The following HEPHL1 variants were observed in gnomAD, a reference collection of about 807,000 sequenced individuals.
HEPHL1 encodes the protein hephaestin like 1, also known as ferroxidase HEPHL1.
In HEPHL1, 123 loss-of-function variants were observed where a neutral mutation model predicts 122.0. The ratio of observed to expected loss-of-function variants is 1.01; its 90% CI spans 0.87 to 1.17. The LOEUF is 1.17. Among genes scored for constraint, HEPHL1 ranks in the 50% most tolerant of loss-of-function variants. The pLI is 0.00. For missense variants in HEPHL1, 1,452 were observed against 1,430.5 expected (o/e 1.01, Z -0.24); for synonymous variants, 527 against 508.9 (o/e 1.04, Z -0.48).
intron 12 of HEPHL1, among the ~76,000 whole-genome samples, chr11:94,091,019 G>T (rs1946260487): frequency 6.6e-6 from 1 of 152,134 alleles, no homozygotes; most frequent in Non-Finnish European, 1.5e-5. Flanking sequence ...AAGTTGCTAT[G>T]AAAAAATAAA....
chr11:94,108,352 C>T (rs961366110), intron 17 of HEPHL1, among the ~76,000 whole-genome samples: 2 of 151,986 alleles, frequency 1.3e-5, no homozygotes, highest in Non-Finnish European at 2.9e-5. Flanking sequence ...CAGTTTGTGG[C>T]TTATCTTTTC....
chr11:94,046,091 C>CTTTTTTTGTTTTTTTTTTTT (rs1945834385), intron 2 of HEPHL1, among the ~76,000 whole-genome samples, 174 bp downstream of exon 2: 1 of 65,048 alleles, frequency 1.5e-5, no homozygotes, highest in Non-Finnish European at 2.6e-5. Context: ...CCCTTTCTTG[C>CTTTTTTTGTTTTTTTTTTTT]TTTTTTTTTT....
At position 94,021,430 on chromosome 11, in the gene HEPHL1, T is replaced by A; in HGVS notation, c.62T>A (p.Leu21Gln). The part of the protein sequence containing the change: ...FLLTFLGLSG[L>Q]VGTVTRTYYI... Reference sequence around the variant, plus strand: ...CTCACATTCCTGGGTCTGTCTGGGCTGGTTGGCACAGTTACCAGAACGTAC... The same window carrying A: ...CTCACATTCCTGGGTCTGTCTGGGCAGGTTGGCACAGTTACCAGAACGTAC... The change falls in exon 1 of 20, where the codon CTG (leucine) becomes CAG (glutamine). Residue 21 changes from leucine (L) to glutamine (Q), a missense_variant. Coordinates refer to ENST00000315765, the MANE Select transcript of HEPHL1 (RefSeq NM_001098672.2). The A allele has an allele frequency of 4.3e-6, 7 of 1,613,636 alleles. No individual in the cohort carries two copies. Among genetic ancestry groups the A allele is most frequent in the Non-Finnish European group, 5.1e-6 (6 of 1,179,604 alleles).
At position 94,112,028 on chromosome 11, in the gene HEPHL1, C is replaced by T; in HGVS notation, c.*134C>T. The T allele has an allele frequency of 9.3e-6, 5 of 539,660 alleles. No individual in the cohort carries two copies. 33.4% of individuals were successfully genotyped at this position (539,660 alleles called of 1,614,324 possible). A position where few individuals can be genotyped will look rare whatever the true frequency, so the allele number is the denominator to read the frequency against. Reference sequence around the variant, plus strand: ...TATCCTGGATCAGCCTTCTGATCCTCTCAAACATCATCCAAAGCAATTTGC... The same window carrying T: ...TATCCTGGATCAGCCTTCTGATCCTTTCAAACATCATCCAAAGCAATTTGC... On this transcript the variant is annotated 3_prime_UTR_variant, in exon 20 of 20. Transcript: ENST00000315765.
At chr11:94,072,040 T>C (rs1211567987) in intron 6 of HEPHL1, among the ~76,000 whole-genome samples, 1 of 152,082 alleles carries the variant, frequency 6.6e-6, no homozygotes, top group Non-Finnish European at 1.5e-5. Flanking sequence ...TTGGAAGCAA[T>C]TGAAGATTTT....
At chr11:94,079,447 C>T (rs1234895592) in intron 9 of HEPHL1, among the ~76,000 whole-genome samples, 3 of 152,138 alleles carry the variant, frequency 2.0e-5, no homozygotes, top group African/African-American at 7.2e-5. Context: ...ATACCACTGC[C>T]TTCTAAAGCA....
chr11:94,073,332 G>A lies in HEPHL1; in HGVS notation c.1397G>A (p.Gly466Asp). Residue 466 changes from glycine (G) to aspartate (D), a missense_variant, in exon 8 of 20, where the codon GGT becomes GAT. By Grantham distance (94) the Gly-to-Asp change is moderately conservative. Transcript: ENST00000315765. ...GGCCCAGTCATCAAGGCAGAGGTGGGTGATACCCTGTTAGTGACCTTTGCC... is the reference window on the plus strand; with the variant it reads ...GGCCCAGTCATCAAGGCAGAGGTGGATGATACCCTGTTAGTGACCTTTGCC... ...ILGPVIKAEV[G>D]DTLLVTFANK... is the part of the protein sequence containing the mutation. The A allele has an allele frequency of 6.2e-7, 1 of 1,608,380 alleles. No individual in the cohort carries two copies. Among genetic ancestry groups the A allele is most frequent in the South Asian group, 1.1e-5 (1 of 89,850 alleles).
chr11:94,047,018 C>G (rs1449612603), intron 2 of HEPHL1, among the ~76,000 whole-genome samples: 1 of 152,140 alleles, frequency 6.6e-6, no homozygotes, highest in Admixed American at 6.5e-5. Context: ...AGCCATGTCT[C>G]TATAAGCAGC....
chr11:94,062,808 A>C (rs542629902), intron 2 of HEPHL1, among the ~76,000 whole-genome samples: 11 of 152,220 alleles, frequency 7.2e-5, no homozygotes, highest in African/African-American at 2.6e-4. Flanking sequence ...TCCTTAATTG[A>C]AAAATCATGT....
chr11:94,042,893 A>AAAAAAAAAAAAAAT (rs1945799383), intron 1 of HEPHL1, among the ~76,000 whole-genome samples: 1 of 149,562 alleles, frequency 6.7e-6, no homozygotes, highest in Non-Finnish European at 1.5e-5. Context: ...AAAAAAAAAA[A>AAAAAAAAAAAAAAT]CTGCATGAAT....
intron 1 of HEPHL1, among the ~76,000 whole-genome samples, chr11:94,030,897 G>A (rs1945668830): frequency 6.6e-6 from 1 of 152,116 alleles, no homozygotes; most frequent in Admixed American, 6.5e-5. Context: ...ACAGTCCCAA[G>A]ACTTCAGCCT....
In HEPHL1 at chr11:94,067,081, T is replaced by C. The variant is rs80036982; in HGVS notation, c.809-415T>C. 4.6e-3 allele frequency among the ~76,000 whole-genome samples: 695 copies of C among 152,310 alleles called. 4 individuals carry two copies. The highest frequency in any genetic ancestry group is 0.016 in the African/African-American group (663 of 41,580). ...AGTTTTTCTGCTAGGTCCTGATAAC[T>C]GTTAAGATGAACAAGACAGGGTTTC... On this transcript the variant is annotated intron_variant, in intron 4 of 19. Transcript: ENST00000315765.
At position 94,112,764 on chromosome 11, in the gene HEPHL1, T is replaced by A. The variant is rs1946461399; in HGVS notation, c.*870T>A. The A allele has an allele frequency of 6.6e-6, 1 of 152,278 alleles. No individual in the cohort carries two copies. The highest frequency in any genetic ancestry group is 1.5e-5 in the Non-Finnish European group (1 of 68,040). The allele number at this position is 152,278 out of a possible 1,614,324, so 9.4% of individuals were successfully genotyped here. A position where few individuals can be genotyped will look rare whatever the true frequency, so the allele number is the denominator to read the frequency against. On this transcript the variant is annotated 3_prime_UTR_variant, in exon 20 of 20. Coordinates refer to ENST00000315765, the MANE Select transcript of HEPHL1 (RefSeq NM_001098672.2). ...CTGAGAGTTTAGAGCAAGCTTTCTATCAGGGAGGGAAGCTTTGCAGGAGGC... is the reference window on the plus strand; with the variant it reads ...CTGAGAGTTTAGAGCAAGCTTTCTAACAGGGAGGGAAGCTTTGCAGGAGGC...
chr11:94,077,730 C>T (rs1426896074), intron 9 of HEPHL1, among the ~76,000 whole-genome samples: 1 of 152,222 alleles, frequency 6.6e-6, no homozygotes, highest in Non-Finnish European at 1.5e-5. Flanking sequence ...TAGACATGCC[C>T]CAGCCTCTTG....
At chr11:94,081,869 A>C (rs887176105) in intron 9 of HEPHL1, among the ~76,000 whole-genome samples, 1 of 152,254 alleles carries the variant, frequency 6.6e-6, no homozygotes, top group Admixed American at 6.5e-5. Flanking sequence ...GTTTCTGGGC[A>C]GAAGATGGAG....
intron 3 of HEPHL1, 55 bp downstream of exon 3, chr11:94,063,775 G>A (rs1946009189): frequency 2.1e-6 from 3 of 1,451,926 alleles, no homozygotes; most frequent in African/African-American, 1.4e-5. Context: ...TAAGATTCAG[G>A]TCTTATTTTG....
chr11:94,050,393 A>G (rs1945879409), intron 2 of HEPHL1, among the ~76,000 whole-genome samples: 1 of 152,136 alleles, frequency 6.6e-6, no homozygotes, highest in Admixed American at 6.5e-5. Context: ...GTGAGACCAG[A>G]TATTCTTACC....
chr11:94,097,057 C>A lies in HEPHL1; in HGVS notation c.2434+3417C>A, dbSNP rs185746387. ...GATCTTAGTTATTTCTTGCCTTCTG[C>A]TAGCTTTTGAATGTGTTTGCTCTTG... On this transcript the variant is annotated intron_variant, in intron 13 of 19. Transcript: ENST00000315765. Among the ~76,000 whole-genome samples the A allele has an allele frequency of 1.7e-3, 266 of 152,252 alleles. 2 individuals carry two copies. The highest frequency in any genetic ancestry group is 6.2e-3 in the African/African-American group (257 of 41,546).
chr11:94,082,066 ACAGGGAAATGAAGT>A lies in HEPHL1; in HGVS notation c.1717-348_1717-335del, dbSNP rs554354640. Among the ~76,000 whole-genome samples, 311 of 152,322 alleles carry A rather than the reference ACAGGGAAATGAAGT, an allele frequency of 2.0e-3. 2 individuals carry two copies. Among genetic ancestry groups the A allele is most frequent in the African/African-American group, 7.1e-3 (296 of 41,580 alleles). ...GTCTGGAGCAAGCTAGGAGGTGAGT[ACAGGGAAATGAAGT>A]CAGAGAGAGAAGCTGGGCCAGGGCT... On this transcript the variant is annotated intron_variant, in intron 9 of 19. Transcript: ENST00000315765.
Sources: gnomAD v4.1 joint callset for allele counts (sites outside exome capture counted in the v4.1 genomes callset) on GRCh38, gnomAD v4.1.1 for gene constraint, MANE v1.5 for transcripts, NCBI Gene and HGNC (gene_info 2026-07-23, HGNC 2026-07-21) for gene names.